Variants in SDAD1 observed in about 807,000 individuals in gnomAD.
SDAD1 encodes the protein protein SDA1 homolog.
SDAD1 carries 79 observed loss-of-function variants against 100.3 expected under a neutral mutation model. The observed-to-expected ratio is 0.79, with a 90% CI of 0.66 to 0.95. The LOEUF (loss-of-function observed/expected upper bound fraction) is 0.95, where lower values mean the gene tolerates loss of function less well. Among genes scored for constraint, SDAD1 ranks in the 40% least tolerant of loss-of-function variants. The pLI is 0.00. For missense variants in SDAD1, 790 were observed against 810.9 expected, an observed-to-expected ratio of 0.97 and a Z score of 0.31; for synonymous variants, 267 against 271.4, an observed-to-expected ratio of 0.98 and a Z score of 0.16.
intron 21 of SDAD1, 45 bp from the exon 22 acceptor site, chr4:75,950,842 C>T: frequency 7.4e-7 from 1 of 1,347,364 alleles, no homozygotes; most frequent in Non-Finnish European, 1.0e-6. Context: ...CTTGGGTACC[C>T]TATTATACGA....
At chr4:75,958,913 C>T (rs1204582948) in intron 17 of SDAD1, among the ~76,000 whole-genome samples, 7 of 150,912 alleles carry the variant, frequency 4.6e-5, no homozygotes, top group Admixed American at 2.0e-4. Flanking sequence ...CTAGCTAAAA[C>T]GGTGAAACCC....
In SDAD1 at chr4:75,970,484, G is replaced by GA; in HGVS notation, c.814-107dup. On this transcript the variant is annotated intron_variant, in intron 9 of 21. Transcript: ENST00000356260. ...ATAAGTCCATTAGACTCTTTAAAAA[G>GA]AAAAAAAACTTTGTTCTAAAAACCT... The GA allele has an allele frequency of 4.0e-5, 30 of 751,090 alleles. No homozygotes were observed. The South Asian group carries it at 4.0e-4, about 10-fold the overall frequency. 46.5% of individuals were successfully genotyped at this position (751,090 alleles called of 1,614,324 possible). A position where few individuals can be genotyped will look rare whatever the true frequency, so the allele number is the denominator to read the frequency against.
At chr4:75,980,589 AGG>A (rs1730445339) in intron 3 of SDAD1, among the ~76,000 whole-genome samples, 4 of 111,696 alleles carry the variant, frequency 3.6e-5, no homozygotes, top group Non-Finnish European at 6.9e-5. Flanking sequence ...TGAAGGAAGG[AGG>A]ATAGTGCAGA....
Position 75,964,216 on chromosome 4 carries a change from A to G in SDAD1, c.1105-5T>C. 3.8e-6 allele frequency: 6 copies of G among 1,596,908 alleles called. No homozygotes were observed. The highest frequency in any genetic ancestry group is 5.1e-6 in the Non-Finnish European group (6 of 1,168,018). Reference sequence around the variant, plus strand: ...CATAAGCAATGATTGAATAATCTGAATTGGAAACAAAAAAGAGATGGGTGC... The same window carrying G: ...CATAAGCAATGATTGAATAATCTGAGTTGGAAACAAAAAAGAGATGGGTGC... On this transcript the variant is annotated splice_region_variant and splice_polypyrimidine_tract_variant and intron_variant, in intron 13 of 21. Coordinates refer to ENST00000356260, the MANE Select transcript of SDAD1 (RefSeq NM_018115.4).
At chr4:75,953,563 G>A (rs77559517) in intron 21 of SDAD1, among the ~76,000 whole-genome samples, 8,067 of 152,192 alleles carry the variant, frequency 0.053, 287 homozygotes, top group Non-Finnish European at 0.08. Flanking sequence ...TAAAAATGCC[G>A]TCATTATTTA....
Position 75,960,067 on chromosome 4 carries a change from T to C in SDAD1, c.1482A>G (p.Glu494=), listed in dbSNP as rs1255440034. ...VEKEENAEND[E]DGWESTSLSE... ...AATAAGGGTGAAATAAAAATCAACC[T>C]TCATCATTTTCAGCATTCTCTTCTT... Residue 494 remains glutamate, a splice_region_variant and synonymous_variant, in exon 17 of 22, where the codon GAA becomes GAG. Coordinates refer to ENST00000356260, the MANE Select transcript of SDAD1 (RefSeq NM_018115.4). The C allele has an allele frequency of 1.9e-6, 3 of 1,607,424 alleles. No homozygotes were observed. Among genetic ancestry groups the C allele is most frequent in the Non-Finnish European group, 2.5e-6 (3 of 1,178,722 alleles).
chr4:75,953,715 G>C (rs148143615), intron 21 of SDAD1, among the ~76,000 whole-genome samples: 42 of 152,318 alleles, frequency 2.8e-4, no homozygotes, highest in African/African-American at 9.6e-4. Context: ...AGTGCTGGCA[G>C]GCTGATCCTT....
Position 75,990,854 on chromosome 4 carries a change from C to A in SDAD1, c.-13G>T. The A allele has an allele frequency of 6.2e-7, 1 of 1,614,100 alleles. No homozygotes were observed. ...TTCTGTTGGACATTTTGGCTGCAGA[C>A]AGACTTCGCGGCGAGCAGTTTTAAA... On this transcript the variant is annotated 5_prime_UTR_variant, in exon 1 of 22. Transcript: ENST00000356260.
In SDAD1 at chr4:75,950,020, T is replaced by C. The variant is rs763408682; in HGVS notation, c.*730A>G. On this transcript the variant is annotated 3_prime_UTR_variant, in exon 22 of 22. Transcript: ENST00000356260. ...ACCAGTATGAAGGCAGCTCAAATGA[T>C]GAACTAAATATATTCCAAAGGTACT... 1.3e-5 allele frequency: 2 copies of C among 150,876 alleles called. No homozygotes were observed. Among genetic ancestry groups the C allele is most frequent in the Non-Finnish European group, 2.9e-5 (2 of 67,868 alleles). The allele number at this position is 150,876 out of a possible 1,614,324, so 9.3% of individuals were successfully genotyped here. A position where few individuals can be genotyped will look rare whatever the true frequency, so the allele number is the denominator to read the frequency against.
At chr4:75,955,440 G>C (rs954228422) in intron 21 of SDAD1, among the ~76,000 whole-genome samples, 2 of 152,036 alleles carry the variant, frequency 1.3e-5, no homozygotes, top group Admixed American at 1.3e-4. Flanking sequence ...GTTGCATTGC[G>C]GGCTGCTGGC....
intron 7 of SDAD1, among the ~76,000 whole-genome samples, chr4:75,973,680 C>A (rs1246829106): frequency 6.6e-6 from 1 of 152,140 alleles, no homozygotes; most frequent in Non-Finnish European, 1.5e-5. Flanking sequence ...GTTCTTCTAA[C>A]AGACAAAAGT....
At chr4:75,990,596 C>G (rs958380170) in intron 1 of SDAD1, 156 bp downstream of exon 1, 2 of 1,515,104 alleles carry the variant, frequency 1.3e-6, no homozygotes, top group African/African-American at 2.7e-5. Flanking sequence ...TAAGGCATGT[C>G]CCGTCCCCAA....
At chr4:75,974,960 G>A (rs1730078878) in intron 6 of SDAD1, among the ~76,000 whole-genome samples, 1 of 145,122 alleles carries the variant, frequency 6.9e-6, no homozygotes, top group Non-Finnish European at 1.5e-5. Flanking sequence ...GGGAATCGCT[G>A]GAACCCAGGA....
At chr4:75,966,230 T>C (rs1441769294) in intron 12 of SDAD1, among the ~76,000 whole-genome samples, 1 of 150,026 alleles carries the variant, frequency 6.7e-6, no homozygotes, top group African/African-American at 2.5e-5. Flanking sequence ...GTGCCTGGCA[T>C]AAAAATCATT....
At chr4:75,952,030 CT>C (rs1254321160) in intron 21 of SDAD1, among the ~76,000 whole-genome samples, 1 of 152,164 alleles carries the variant, frequency 6.6e-6, no homozygotes, top group Non-Finnish European at 1.5e-5. Context: ...GACTCTTTGC[CT>C]TTAACTCACA....
At chr4:75,967,206 CAGAACAAA>C (rs1342188035) in intron 12 of SDAD1, 63 bp downstream of exon 12, 1 of 1,418,674 alleles carries the variant, frequency 7.0e-7, no homozygotes, top group Non-Finnish European at 1.0e-6. Flanking sequence ...TTAGTGATTC[CAGAACAAA>C]AGACTTTGCA....
intron 3 of SDAD1, among the ~76,000 whole-genome samples, chr4:75,978,475 T>A (rs1730285757): frequency 6.6e-6 from 1 of 151,924 alleles, no homozygotes; most frequent in Non-Finnish European, 1.5e-5. Flanking sequence ...GTAGCTGGGA[T>A]TACAGGCATG....
rs1255729071 is a variant in SDAD1 at position 75,971,384 on chromosome 4, CTT to C, written c.784_785del (p.Lys262ValfsTer21). ...TGAGCACTTTCATTGCCTTTTCCAA[CTT>C]TTTCTTGTTTTTGGAACTTTTCTTC... is the stretch of plus-strand genomic sequence containing the variant. ...TGKKSSKNKK[K>X]LEKAMKVLKK... On this transcript the variant is annotated frameshift_variant, in exon 9 of 22. Transcript: ENST00000356260. LOFTEE classifies it high-confidence loss of function. The C allele has an allele frequency of 1.9e-6, 3 of 1,613,974 alleles. No homozygotes were observed. Among genetic ancestry groups the C allele is most frequent in the Non-Finnish European group, 1.7e-6 (2 of 1,179,906 alleles).
rs745361325 is a variant in SDAD1, at chr4:75,950,779, G to A, written c.2035C>T (p.Leu679Phe). Residue 679 changes from leucine (L) to phenylalanine (F), a missense_variant, in exon 22 of 22, where the codon CTT (leucine) becomes TTT (phenylalanine). By Grantham distance (22) the Leu-to-Phe change is conservative (BLOSUM62 0). Transcript: ENST00000356260. The stretch of plus-strand genomic sequence containing the variant: ...TTCATTCTTTTTCTCTTTTTCAAAA[G>A]TGCATCTCGTAGTGCCAACTGTAAG... ...REKQLALRDA[L>F]LKKRKRMK 2.5e-6 allele frequency: 4 copies of A among 1,590,902 alleles called. No individual in the cohort carries two copies. In the Admixed American group the frequency reaches 5.0e-5, roughly 20 times the overall value.
Sources: gnomAD v4.1 joint callset for allele counts (sites outside exome capture counted in the v4.1 genomes callset) on GRCh38, gnomAD v4.1.1 for gene constraint, MANE v1.5 for transcripts, NCBI Gene and HGNC (gene_info 2026-07-23, HGNC 2026-07-21) for gene names.